TBC1D2: variants seen among roughly 807,000 people sequenced by gnomAD.
The protein encoded by TBC1D2 is TBC1 domain family member 2A.
In TBC1D2, 58 loss-of-function variants were observed where a neutral mutation model predicts 91.1. The observed-to-expected ratio is 0.64, with a 90% CI of 0.52 to 0.79. TBC1D2 has a LOEUF of 0.79. Among genes scored for constraint, TBC1D2 ranks in the 30% least tolerant of loss-of-function variants. TBC1D2 has a pLI of 0.00. For missense variants in TBC1D2, 1,080 were observed against 1,208.3 expected (o/e 0.89, Z 1.57); for synonymous variants, 482 against 511.5 (o/e 0.94, Z 0.78).
chr9:98,209,084 C>A lies in TBC1D2; in HGVS notation c.1734G>T (p.Leu578=). ...VPDYEVEDLK[L]LAKIQALESR... ...ACTCCAATGCCTGGATCTTGGCCAG[C>A]AGCTTCAGGTCTTCCACCTCATAGT... Residue 578 remains leucine (L), a synonymous_variant, in exon 9 of 13, where the codon CTG becomes CTT. Transcript: ENST00000465784. 1 of 1,614,208 alleles carries A rather than the reference C, an allele frequency of 6.2e-7. No homozygotes were observed. Among genetic ancestry groups the A allele is most frequent in the Non-Finnish European group, 8.5e-7 (1 of 1,180,046 alleles).
intron 5 of TBC1D2, among the ~76,000 whole-genome samples, chr9:98,225,391 A>G (rs1222606925): frequency 1.3e-5 from 2 of 152,228 alleles, no homozygotes; most frequent in East Asian, 1.9e-4. Flanking sequence ...GTGGTTTAAT[A>G]TGACACCAGG....
In TBC1D2 at chr9:98,228,873, C is replaced by A. The variant is rs1185243047; in HGVS notation, c.978+79G>T. Reference sequence around the variant, plus strand: ...CTGGTGCCCAGCACGGCTAATGCGTCCCATCTAGCTTATCCGAAAGGCTCC... The same window carrying A: ...CTGGTGCCCAGCACGGCTAATGCGTACCATCTAGCTTATCCGAAAGGCTCC... On this transcript the variant is annotated intron_variant, in intron 5 of 12. Coordinates refer to ENST00000465784, the MANE Select transcript of TBC1D2 (RefSeq NM_001267571.2). This position sits in a 1 kb window ranked among gnomAD's most constrained non-coding sequence, Gnocchi z 4.0. The A allele has an allele frequency of 7.2e-7, 1 of 1,394,936 alleles. No homozygotes were observed. The highest frequency in any genetic ancestry group is 9.8e-7 in the Non-Finnish European group (1 of 1,015,270). The allele number at this position is 1,394,936 out of a possible 1,614,324, so 86.4% of individuals were successfully genotyped here. A position where few individuals can be genotyped will look rare whatever the true frequency, so the allele number is the denominator to read the frequency against.
chr9:98,247,692 G>C (rs549315791), intron 2 of TBC1D2, among the ~76,000 whole-genome samples: 1 of 125,372 alleles, frequency 8.0e-6, no homozygotes, highest in South Asian at 2.6e-4. Flanking sequence ...TCGCGCCACT[G>C]TACTCCAGCC....
chr9:98,242,365 C>T (rs948274894), intron 3 of TBC1D2, among the ~76,000 whole-genome samples: 7 of 150,232 alleles, frequency 4.7e-5, no homozygotes, highest in Admixed American at 6.7e-5. Flanking sequence ...CACTTGAACA[C>T]GGGAAGCAGA....
chr9:98,245,416 A>C (rs1350405828), intron 2 of TBC1D2, among the ~76,000 whole-genome samples: 1 of 151,096 alleles, frequency 6.6e-6, no homozygotes, highest in African/African-American at 2.4e-5. Flanking sequence ...AAAACAGAAA[A>C]ATTAGCTGAG....
At chr9:98,237,997 G>A (rs1219509146) in intron 3 of TBC1D2, among the ~76,000 whole-genome samples, 4 of 145,788 alleles carry the variant, frequency 2.7e-5, no homozygotes, top group Middle Eastern at 3.5e-3. Context: ...TCTGCCTCCC[G>A]GGTTCAAGCG....
rs140714875 is a variant in TBC1D2 at position 98,221,590 on chromosome 9, G to A, written c.979-362C>T. Among the ~76,000 whole-genome samples the A allele has an allele frequency of 2.0e-4, 31 of 152,316 alleles. 1 individual carries two copies. The highest frequency in any genetic ancestry group is 6.5e-4 in the African/African-American group (27 of 41,558). On this transcript the variant is annotated intron_variant, in intron 5 of 12. Transcript: ENST00000465784. ...TTTGCTTCTGGCTGGGAAGTGGCAG[G>A]AACTAGAGTGGCCGCCTCAGACCCA...
chr9:98,236,978 G>C (rs1246622308), intron 3 of TBC1D2, among the ~76,000 whole-genome samples: 1 of 149,786 alleles, frequency 6.7e-6, no homozygotes, highest in African/African-American at 2.5e-5. Flanking sequence ...GTTGGGAATT[G>C]ATTATTTCTC....
Position 98,220,301 on chromosome 9 carries a change from C to T in TBC1D2, c.1374+532G>A, listed in dbSNP as rs574868535. 4.6e-5 allele frequency among the ~76,000 whole-genome samples: 7 copies of T among 152,160 alleles called. No homozygotes were observed. The South Asian group carries it at 8.3e-4, about 18-fold the overall frequency. On this transcript the variant is annotated intron_variant, in intron 6 of 12. Coordinates refer to ENST00000465784, the MANE Select transcript of TBC1D2 (RefSeq NM_001267571.2). ...CGGCTGCCTCACCTCACAGGGCTGG[C>T]GCGAGGACTAAATGTGGCGATGCAC... is the stretch of plus-strand genomic sequence containing the variant.
At position 98,208,902 on chromosome 9, in the gene TBC1D2, A is replaced by G; in HGVS notation, c.1916T>C (p.Val639Ala). The G allele has an allele frequency of 6.8e-6, 11 of 1,614,050 alleles. No individual in the cohort carries two copies. The highest frequency in any genetic ancestry group is 9.3e-6 in the Non-Finnish European group (11 of 1,179,994). The change falls in exon 9 of 13, where the codon GTC (valine) becomes GCC (alanine). Residue 639 changes from valine (V) to alanine (A), a missense_variant. By Grantham distance (64) the Val-to-Ala change is moderately conservative. Transcript: ENST00000465784. ...GTGCAGGTGCTGGACACGGAGGTGG[A>G]CCAGCCACCTCCAGACACGAGGCCG... is the stretch of plus-strand genomic sequence containing the variant. ...EHRPRVWRWL[V>A]HLRVQHLHTP...
rs1332841897 is a variant in TBC1D2, at chr9:98,199,203, A to C, written c.*178T>G. 2.8e-6 allele frequency: 2 copies of C among 707,992 alleles called. No individual in the cohort carries two copies. The highest frequency in any genetic ancestry group is 3.6e-5 in the African/African-American group (2 of 55,872). 43.9% of individuals were successfully genotyped at this position (707,992 alleles called of 1,614,324 possible). On this transcript the variant is annotated 3_prime_UTR_variant, in exon 13 of 13. Coordinates refer to ENST00000465784, the MANE Select transcript of TBC1D2 (RefSeq NM_001267571.2). ...GTGCCTATGAAGAAGTAGCCCAACC[A>C]ATGGCTTTGCAGCACACAATGTCCC...
intron 9 of TBC1D2, among the ~76,000 whole-genome samples, chr9:98,205,591 G>T (rs1237496889): frequency 6.6e-6 from 1 of 151,060 alleles, no homozygotes; most frequent in Middle Eastern, 3.2e-3. Context: ...CTGTTGCCCA[G>T]GCTAGAGTGC....
At chr9:98,203,466 A>G (rs999737796) in intron 9 of TBC1D2, 58 bp from the exon 10 acceptor site, 3 of 1,601,908 alleles carry the variant, frequency 1.9e-6, no homozygotes, top group Non-Finnish European at 2.6e-6. Flanking sequence ...GCCAGGCAGC[A>G]CATGGCAGAG....
chr9:98,235,590 T>G, intron 3 of TBC1D2: 3 of 450,030 alleles, frequency 6.7e-6, no homozygotes, highest in South Asian at 5.0e-5. Flanking sequence ...AGTCTTCCAA[T>G]CCTTCTCAGC....
At chr9:98,215,103 C>G (rs975243953) in intron 6 of TBC1D2, among the ~76,000 whole-genome samples, 2 of 152,190 alleles carry the variant, frequency 1.3e-5, no homozygotes, top group Non-Finnish European at 2.9e-5. Context: ...AAAAATGCTG[C>G]TGTGTGCGCC....
chr9:98,200,161 A>T (rs1828447474), intron 12 of TBC1D2, 92 bp downstream of exon 12: 1 of 1,545,236 alleles, frequency 6.5e-7, no homozygotes, highest in Non-Finnish European at 8.8e-7. Context: ...GTCACTTACC[A>T]ATCTCTACTT....
chr9:98,200,502 G>A, intron 11 of TBC1D2, 128 bp from the exon 12 acceptor site: 1 of 693,146 alleles, frequency 1.4e-6, no homozygotes, highest in Non-Finnish European at 2.2e-6. Flanking sequence ...GAGGCCTGGA[G>A]GCACAATGTG....
At chr9:98,217,130 G>A (rs531825072) in intron 6 of TBC1D2, among the ~76,000 whole-genome samples, 26 of 152,338 alleles carry the variant, frequency 1.7e-4, no homozygotes, top group South Asian at 2.1e-4. Context: ...AGTGGCAGTG[G>A]GTGGCGTCGG....
At position 98,228,996 on chromosome 9, in the gene TBC1D2, C is replaced by G; in HGVS notation, c.934G>C (p.Glu312Gln). The G allele has an allele frequency of 1.2e-6, 2 of 1,614,164 alleles. No individual in the cohort carries two copies. The highest frequency in any genetic ancestry group is 1.7e-6 in the Non-Finnish European group (2 of 1,180,016). The change falls in exon 5 of 13, where the codon GAG (glutamate) becomes CAG (glutamine). Residue 312 changes from glutamate to glutamine, a missense_variant. Transcript: ENST00000465784. This position sits in a 1 kb window ranked among gnomAD's most constrained non-coding sequence, Gnocchi z 4.0. ...TTGGTGAGCATCAGAACCTGTTGCT[C>G]CAAGGCTGCCACTTTCTCCTGGGCA... ...RTAQEKVAAL[E>Q]QQVLMLTKEL...
Sources: allele counts gnomAD v4.1 joint callset (sites outside exome capture counted in the v4.1 genomes callset), GRCh38; gene constraint gnomAD v4.1.1; non-coding constraint Gnocchi (gnomAD v3.1); transcripts MANE v1.5; gene names NCBI Gene and HGNC (gene_info 2026-07-23, HGNC 2026-07-21).